CTNNA3: variants seen among roughly 807,000 people sequenced by gnomAD.
The protein encoded by CTNNA3 is catenin alpha 3.
Under a neutral mutation model 95.7 loss-of-function variants are expected in CTNNA3, and 76 were observed. That is an observed-to-expected ratio of 0.79 (90% CI 0.66 to 0.96). The LOEUF is 0.96. CTNNA3 is among the 40% of genes least tolerant of loss of function. The pLI, the probability that CTNNA3 is intolerant of heterozygous loss-of-function variation, is 0.00. For synonymous variants in CTNNA3, 431 were observed against 374.4 expected (o/e 1.15, Z -1.74); for missense variants, 1,191 against 1,089.8 (o/e 1.09, Z -1.31).
chr10:67,644,423 AAAAAAT>A (rs1839639002), intron 2 of CTNNA3, among the ~76,000 whole-genome samples: 1 of 152,088 alleles, frequency 6.6e-6, no homozygotes, highest in South Asian at 2.1e-4. Flanking sequence ...TTCTTATCTA[AAAAAAT>A]AAAAATAAAC....
chr10:66,114,290 AAG>A (rs1018919184), intron 13 of CTNNA3, among the ~76,000 whole-genome samples: 3 of 152,270 alleles, frequency 2.0e-5, no homozygotes, highest in African/African-American at 7.2e-5. Flanking sequence ...ATATTAAAAT[AAG>A]AGTTTCAGAG....
chr10:66,878,173 A>T (rs1303097824), intron 7 of CTNNA3, among the ~76,000 whole-genome samples: 1 of 152,142 alleles, frequency 6.6e-6, no homozygotes, highest in East Asian at 1.9e-4. Flanking sequence ...TTTGGACTTG[A>T]TATCAAATCC....
chr10:66,888,549 T>A (rs1845136439), intron 7 of CTNNA3, among the ~76,000 whole-genome samples: 1 of 45,494 alleles, frequency 2.2e-5, no homozygotes, highest in African/African-American at 8.4e-5. Context: ...AGTTTTTCAT[T>A]TTTTTTTTTT....
intron 11 of CTNNA3, among the ~76,000 whole-genome samples, chr10:66,415,964 G>A (rs745480556): frequency 2.6e-5 from 4 of 152,084 alleles, no homozygotes; most frequent in Admixed American, 6.6e-5. Flanking sequence ...CAGCTCCAAA[G>A]GAGATGGAAT....
intron 10 of CTNNA3, among the ~76,000 whole-genome samples, chr10:66,600,367 T>C (rs1441207273): frequency 3.3e-5 from 5 of 151,872 alleles, no homozygotes; most frequent in Middle Eastern, 3.2e-3. Context: ...GTATCACTCA[T>C]GTGCGTGTTC....
chr10:66,829,380 G>A (rs1842629641), intron 7 of CTNNA3, among the ~76,000 whole-genome samples: 1 of 152,140 alleles, frequency 6.6e-6, no homozygotes, highest in Admixed American at 6.5e-5. Context: ...GGAGGCTGAG[G>A]TGGGCAGATC....
intron 11 of CTNNA3, among the ~76,000 whole-genome samples, chr10:66,469,104 G>T (rs1455218736): frequency 6.6e-6 from 1 of 151,904 alleles, no homozygotes; most frequent in African/African-American, 2.4e-5. Context: ...AATAGTTTGT[G>T]CCAGGTATTG....
At chr10:66,304,552 T>C (rs2132237853) in intron 12 of CTNNA3, among the ~76,000 whole-genome samples, 1 of 152,252 alleles carries the variant, frequency 6.6e-6, no homozygotes, top group African/African-American at 2.4e-5. Context: ...AGTAGTACAA[T>C]AAATATATTT....
intron 13 of CTNNA3, among the ~76,000 whole-genome samples, chr10:66,172,477 GTTTAT>G (rs1238818077): frequency 4.0e-5 from 6 of 151,362 alleles, no homozygotes; most frequent in Non-Finnish European, 8.9e-5. Context: ...TAACATTCTT[GTTTAT>G]TTTATCTATA....
At chr10:67,725,179 C>CA (rs1841201979) in intron 1 of CTNNA3, among the ~76,000 whole-genome samples, 1 of 143,370 alleles carries the variant, frequency 7.0e-6, no homozygotes, top group Non-Finnish European at 1.5e-5. Context: ...ATTAATTTAC[C>CA]TTTTTTTTTT....
intron 7 of CTNNA3, among the ~76,000 whole-genome samples, chr10:67,061,519 T>G (rs1473605863): frequency 1.3e-5 from 2 of 152,178 alleles, no homozygotes; most frequent in South Asian, 2.1e-4. Flanking sequence ...TTAGCTGGAG[T>G]GGAGGCTGCA....
intron 7 of CTNNA3, among the ~76,000 whole-genome samples, chr10:66,942,563 T>G (rs2132686450): frequency 6.6e-6 from 1 of 151,980 alleles, no homozygotes; most frequent in African/African-American, 2.4e-5. Flanking sequence ...TCTCTCTCTC[T>G]CTCTCTCTCT....
At chr10:66,617,382 C>G (rs1192295446) in intron 10 of CTNNA3, among the ~76,000 whole-genome samples, 2 of 152,062 alleles carry the variant, frequency 1.3e-5, no homozygotes, top group East Asian at 3.9e-4. Flanking sequence ...TGGGCTTCAT[C>G]CTGGGATGCA....
At chr10:66,556,189 T>C (rs1842383438) in intron 10 of CTNNA3, among the ~76,000 whole-genome samples, 1 of 151,288 alleles carries the variant, frequency 6.6e-6, no homozygotes, top group South Asian at 2.1e-4. Context: ...TAAGGATGAA[T>C]ATTATACAAA....
At chr10:66,701,134 C>G (rs926844133) in intron 9 of CTNNA3, among the ~76,000 whole-genome samples, 1 of 152,154 alleles carries the variant, frequency 6.6e-6, no homozygotes, top group African/African-American at 2.4e-5. Flanking sequence ...CCTTTGCCCA[C>G]TGAATTGCCT....
At chr10:66,386,554 C>G (rs571772971) in intron 11 of CTNNA3, among the ~76,000 whole-genome samples, 1 of 152,276 alleles carries the variant, frequency 6.6e-6, no homozygotes, top group South Asian at 2.1e-4. Context: ...CCACCCCCAT[C>G]AAGCTACCAA....
At chr10:66,701,169 G>T (rs1401086051) in intron 9 of CTNNA3, among the ~76,000 whole-genome samples, 1 of 152,050 alleles carries the variant, frequency 6.6e-6, no homozygotes, top group Non-Finnish European at 1.5e-5. Flanking sequence ...AGTATCAGTT[G>T]TCTACATCCA....
At chr10:67,171,693 A>G (rs1862029497) in intron 7 of CTNNA3, among the ~76,000 whole-genome samples, 1 of 152,150 alleles carries the variant, frequency 6.6e-6, no homozygotes, top group Non-Finnish European at 1.5e-5. Flanking sequence ...TCAAAGCTGC[A>G]GTGAGCTGTG....
intron 10 of CTNNA3, among the ~76,000 whole-genome samples, chr10:66,578,975 T>G (rs1489530126): frequency 6.6e-6 from 1 of 151,486 alleles, no homozygotes; most frequent in African/African-American, 2.4e-5. Flanking sequence ...AGGCCTTTTT[T>G]TTTTTTTGGT....
Sources: allele counts gnomAD v4.1 joint callset (sites outside exome capture counted in the v4.1 genomes callset), GRCh38; gene constraint gnomAD v4.1.1; transcripts MANE v1.5; gene names NCBI Gene and HGNC (gene_info 2026-07-23, HGNC 2026-07-21).